Variants in GPR35 observed in about 807,000 individuals in gnomAD.
GPR35 encodes the protein KYNA receptor.
For missense variants in GPR35, 372 were observed against 422.5 expected, an observed-to-expected ratio of 0.88 and a Z score of 1.05; for synonymous variants, 207 against 198.4, an observed-to-expected ratio of 1.04 and a Z score of -0.36.
chr2:240,628,366 G>C (rs1019188510), intron 1 of GPR35: 9 of 152,248 alleles, frequency 5.9e-5, no homozygotes, highest in African/African-American at 2.2e-4. Context: ...AAAGCAAGCA[G>C]GACCCTCAAG....
chr2:240,613,156 T>TA (rs1288247973), intron 2 of GPR35, among the ~76,000 whole-genome samples: 2 of 152,042 alleles, frequency 1.3e-5, no homozygotes, highest in Non-Finnish European at 2.9e-5. Context: ...CTCCAGAAGA[T>TA]ACGCGGAACA....
chr2:240,620,641 G>T (rs1575464644), upstream of GPR35, among the ~76,000 whole-genome samples: 2 of 152,068 alleles, frequency 1.3e-5, no homozygotes, highest in South Asian at 4.1e-4. Flanking sequence ...CCTGCCAAGG[G>T]CCCTGCACTT....
chr2:240,618,973 C>G, exon 5 of GPR35: 1 of 702,868 alleles, frequency 1.4e-6, no homozygotes, highest in Non-Finnish European at 2.6e-6. Flanking sequence ...TGTCCCCACT[C>G]CACACCGTGG....
chr2:240,631,814 G>C lies in GPR35; in HGVS notation c.*932G>C. ...AGAGACCTCCTGTGAGTGTGGGCCAGCACGGCCTGGGCTCAAACCCCATCC... is the reference window on the plus strand; with the variant it reads ...AGAGACCTCCTGTGAGTGTGGGCCACCACGGCCTGGGCTCAAACCCCATCC... On this transcript the variant is annotated 3_prime_UTR_variant, in exon 2 of 2. Transcript: ENST00000407714. 6.6e-6 allele frequency among the ~76,000 whole-genome samples: 1 copy of C among 152,236 alleles called. No individual in the cohort carries two copies. The highest frequency in any genetic ancestry group is 1.5e-5 in the Non-Finnish European group (1 of 68,036).
chr2:240,615,117 TTGTG>T (rs559176515), intron 2 of GPR35, among the ~76,000 whole-genome samples: 7 of 149,120 alleles, frequency 4.7e-5, no homozygotes, highest in Admixed American at 2.7e-4. Flanking sequence ...ATGCCTGTGC[TTGTG>T]TGTGTGTGTG....
upstream of GPR35, among the ~76,000 whole-genome samples, chr2:240,623,500 T>TCGTGAGGGC (rs1271290001): frequency 5.9e-4 from 65 of 111,000 alleles, 12 homozygotes; most frequent in African/African-American, 2.6e-3. Context: ...GTCGTGAGGG[T>TCGTGAGGGC]GCAAACAGGT....
rs545100572 is a variant in GPR35 at position 240,629,581 on chromosome 2, G to A, written c.-4-368G>A. On this transcript the variant is annotated intron_variant, in intron 1 of 1. Transcript: ENST00000407714. Reference sequence around the variant, plus strand: ...CCTCCCTGCTAAGAGCTGTGTGCTGGGTAAGGCTGGTGGCCCTTTGGGCTC... The same window carrying A: ...CCTCCCTGCTAAGAGCTGTGTGCTGAGTAAGGCTGGTGGCCCTTTGGGCTC... 9.4e-4 allele frequency: 188 copies of A among 199,398 alleles called. 1 individual carries two copies. The highest frequency in any genetic ancestry group is 1.6e-3 in the Non-Finnish European group (153 of 98,198). 12.4% of individuals were successfully genotyped at this position (199,398 alleles called of 1,614,324 possible). A position where few individuals can be genotyped will look rare whatever the true frequency, so the allele number is the denominator to read the frequency against.
At chr2:240,629,842 G>A in intron 1 of GPR35, 107 bp from the exon 2 acceptor site, 2 of 949,510 alleles carry the variant, frequency 2.1e-6, no homozygotes, top group Non-Finnish European at 3.2e-6. Context: ...TGTGGGGTCG[G>A]GGCTCACCTC....
intron 3 of GPR35, among the ~76,000 whole-genome samples, chr2:240,616,741 T>TAAAAAAAAAAAAAAAAAA (rs767683322): frequency 1.0e-5 from 1 of 99,940 alleles, no homozygotes; most frequent in African/African-American, 3.9e-5. Flanking sequence ...AACAATACAG[T>TAAAAAAAAAAAAAAAAAA]AAAAAAAAAA....
chr2:240,622,000 G>C (rs1225995341), upstream of GPR35, among the ~76,000 whole-genome samples: 1 of 151,904 alleles, frequency 6.6e-6, no homozygotes, highest in Non-Finnish European at 1.5e-5. Context: ...AGCCTCCTGA[G>C]TAGCTGGGAT....
At chr2:240,619,119 TG>T (rs1559435651) in intron 5 of GPR35, 2 of 656,704 alleles carry the variant, frequency 3.0e-6, no homozygotes, top group East Asian at 5.6e-5. Context: ...TCCACCTGCC[TG>T]GGGGTTTGTG....
At chr2:240,617,753 A>G (rs927073277) in intron 4 of GPR35, 1 of 165,186 alleles carries the variant, frequency 6.1e-6, no homozygotes, top group African/African-American at 2.4e-5. Flanking sequence ...TGATGTTCCC[A>G]TTAACATTAT....
At chr2:240,620,794 C>G (rs2043285260), upstream of GPR35, among the ~76,000 whole-genome samples, 1 of 152,182 alleles carries the variant, frequency 6.6e-6, no homozygotes, top group African/African-American at 2.4e-5. Context: ...CCTCCTCTGC[C>G]CCACAGCTGA....
chr2:240,612,415 A>T (rs955155287), intron 2 of GPR35, among the ~76,000 whole-genome samples: 1 of 106,706 alleles, frequency 9.4e-6, no homozygotes, highest in Non-Finnish European at 1.8e-5. Flanking sequence ...CGACAGAGCG[A>T]GACTCTGTCT....
chr2:240,617,033 A>T (rs932589221), intron 3 of GPR35: 8 of 743,286 alleles, frequency 1.1e-5, no homozygotes, highest in Non-Finnish European at 2.0e-5. Context: ...ATGAGACTGC[A>T]GCCCCAGCTG....
chr2:240,606,503 ATG>A (rs925988638), exon 2 of GPR35: 2 of 148,372 alleles, frequency 1.3e-5, no homozygotes, highest in African/African-American at 5.3e-5. Flanking sequence ...TCCTAAGCAC[ATG>A]TGTGGGGTGG....
At chr2:240,622,628 C>T (rs1355275846), upstream of GPR35, among the ~76,000 whole-genome samples, 3 of 152,218 alleles carry the variant, frequency 2.0e-5, no homozygotes, top group East Asian at 5.8e-4. Context: ...GTTGGACAAG[C>T]TTGCTGCAGA....
chr2:240,613,278 A>G (rs2043204337), intron 2 of GPR35, among the ~76,000 whole-genome samples: 1 of 152,170 alleles, frequency 6.6e-6, no homozygotes, highest in Non-Finnish European at 1.5e-5. Flanking sequence ...CAGAGAGGAC[A>G]GCAGAACATG....
At chr2:240,610,152 G>T (rs1394953927) in intron 2 of GPR35, among the ~76,000 whole-genome samples, 1 of 152,044 alleles carries the variant, frequency 6.6e-6, no homozygotes, top group Admixed American at 6.6e-5. Context: ...TAGAGACGGG[G>T]TTTCACCATC....
Sources: allele counts gnomAD v4.1 joint callset (sites outside exome capture counted in the v4.1 genomes callset), GRCh38; gene constraint gnomAD v4.1.1; transcripts MANE v1.5; gene names NCBI Gene and HGNC (gene_info 2026-07-23, HGNC 2026-07-21).